Variants in DHRS3 observed in about 807,000 individuals in gnomAD.
The protein encoded by DHRS3 is dehydrogenase/reductase 3.
A neutral mutation model predicts 27.2 loss-of-function variants in DHRS3; 14 were observed. The observed-to-expected ratio is 0.52, with a 90% CI of 0.34 to 0.81. The LOEUF (loss-of-function observed/expected upper bound fraction) is 0.81, where lower values mean the gene tolerates loss of function less well. Ranked by LOEUF, DHRS3 falls within the 30% of genes least tolerant of loss-of-function variation. The pLI is 0.01. For synonymous variants in DHRS3, 165 were observed against 175.9 expected, an observed-to-expected ratio of 0.94 and a Z score of 0.49; for missense variants, 322 against 406.2, an observed-to-expected ratio of 0.79 and a Z score of 1.78.
chr1:12,613,672 C>T (rs1374141206), intron 1 of DHRS3, among the ~76,000 whole-genome samples: 1 of 152,206 alleles, frequency 6.6e-6, no homozygotes, highest in Admixed American at 6.5e-5. Context: ...GCTGTAAATT[C>T]ACTGACAGCA....
At chr1:12,603,479 G>C (rs1385050909) in intron 1 of DHRS3, among the ~76,000 whole-genome samples, 1 of 152,186 alleles carries the variant, frequency 6.6e-6, no homozygotes, top group Non-Finnish European at 1.5e-5. Context: ...GCAGGAAGGA[G>C]GGGTCCCTCA....
intron 1 of DHRS3, among the ~76,000 whole-genome samples, chr1:12,607,180 C>A (rs1391744303): frequency 6.6e-6 from 1 of 152,204 alleles, no homozygotes; most frequent in African/African-American, 2.4e-5. Context: ...CAAACAAGGA[C>A]AATTTTGTGA....
chr1:12,597,651 T>C (rs980698404), intron 1 of DHRS3, among the ~76,000 whole-genome samples: 3 of 152,234 alleles, frequency 2.0e-5, no homozygotes, highest in Non-Finnish European at 2.9e-5. Flanking sequence ...GGCTTGGTAA[T>C]TGGGTGCCCA....
intron 4 of DHRS3, among the ~76,000 whole-genome samples, chr1:12,577,750 G>T (rs1646602929): frequency 6.6e-6 from 1 of 152,192 alleles, no homozygotes; most frequent in Admixed American, 6.5e-5. Flanking sequence ...TTGAACCCAG[G>T]AGGTGGAGGT....
intron 1 of DHRS3, among the ~76,000 whole-genome samples, chr1:12,600,987 G>A (rs973454424): frequency 2.0e-5 from 3 of 151,228 alleles, no homozygotes; most frequent in Non-Finnish European, 2.9e-5. Context: ...ATGGGTGGGG[G>A]GTTGGGGGGC....
intron 1 of DHRS3, among the ~76,000 whole-genome samples, chr1:12,600,636 T>C (rs1646829444): frequency 6.6e-6 from 1 of 152,134 alleles, no homozygotes; most frequent in African/African-American, 2.4e-5. Flanking sequence ...TGCTGGGCTG[T>C]GGGAGCACTA....
chr1:12,579,332 G>A lies in DHRS3; in HGVS notation c.420C>T (p.Leu140=), dbSNP rs776634835. 3 of 1,614,210 alleles carry A rather than the reference G, an allele frequency of 1.9e-6. No individual in the cohort carries two copies. In the South Asian group the frequency reaches 3.3e-5, roughly 18 times the overall value. ...KSLMDSDDDA[L]LKSQHINTLG... ...GGGTGTTGATGTGTTGGGACTTGAG[G>A]AGGGCATCATCATCACTGTCCATTA... The change falls in exon 3 of 6, where the codon CTC becomes CTT. Residue 140 remains leucine, a synonymous_variant. Coordinates refer to ENST00000616661, the MANE Select transcript of DHRS3 (RefSeq NM_004753.7).
chr1:12,581,670 C>T (rs964693184), intron 1 of DHRS3, among the ~76,000 whole-genome samples: 29 of 152,282 alleles, frequency 1.9e-4, no homozygotes, highest in East Asian at 9.7e-4. Context: ...CTTGACCTAA[C>T]GGAGGACGAC....
At chr1:12,595,424 G>A (rs574126922) in intron 1 of DHRS3, among the ~76,000 whole-genome samples, 1 of 150,822 alleles carries the variant, frequency 6.6e-6, no homozygotes, top group East Asian at 2.0e-4. Context: ...CGGGGGTCCC[G>A]GGAGGGGCTG....
At position 12,608,492 on chromosome 1, in the gene DHRS3, T is replaced by C. The variant is rs536821251; in HGVS notation, c.195+8662A>G. Among the ~76,000 whole-genome samples, 56 of 152,280 alleles carry C rather than the reference T, an allele frequency of 3.7e-4. No homozygotes were observed. The highest frequency in any genetic ancestry group is 1.2e-3 in the African/African-American group (50 of 41,582). Reference sequence around the variant, plus strand: ...CTGGAGGATCCTGCTGAAGTCATGCTGAGAAGGGCTGCCTTCTTTTAATTT... The same window carrying C: ...CTGGAGGATCCTGCTGAAGTCATGCCGAGAAGGGCTGCCTTCTTTTAATTT... On this transcript the variant is annotated intron_variant, in intron 1 of 5. Coordinates refer to ENST00000616661, the MANE Select transcript of DHRS3 (RefSeq NM_004753.7). This position sits in a 1 kb window ranked among gnomAD's most constrained non-coding sequence, Gnocchi z 4.1.
At chr1:12,581,627 A>C (rs1408275922) in intron 1 of DHRS3, among the ~76,000 whole-genome samples, 1 of 152,210 alleles carries the variant, frequency 6.6e-6, no homozygotes, top group Non-Finnish European at 1.5e-5. Flanking sequence ...AGCCCATAAA[A>C]GGCTCAGAAG....
At position 12,591,104 on chromosome 1, in the gene DHRS3, T is replaced by G. The variant is rs142025211; in HGVS notation, c.196-10438A>C. Among the ~76,000 whole-genome samples, 50 of 152,258 alleles carry G rather than the reference T, an allele frequency of 3.3e-4. No individual in the cohort carries two copies. Among genetic ancestry groups the G allele is most frequent in the African/African-American group, 1.2e-3 (49 of 41,532 alleles). On this transcript the variant is annotated intron_variant, in intron 1 of 5. Coordinates refer to ENST00000616661, the MANE Select transcript of DHRS3 (RefSeq NM_004753.7). The surrounding 1 kb of genome is among the most constrained non-coding windows in gnomAD (Gnocchi z 4.1). ...CCAGGCAACCATTACCCCAGCAGGGTTCTGGATCTTCCATCAGCAAGGGGG... is the reference window on the plus strand; with the variant it reads ...CCAGGCAACCATTACCCCAGCAGGGGTCTGGATCTTCCATCAGCAAGGGGG...
chr1:12,573,840 T>A (rs1646562184), intron 4 of DHRS3, among the ~76,000 whole-genome samples: 1 of 152,326 alleles, frequency 6.6e-6, no homozygotes. Context: ...TTCTCCTGAT[T>A]TACAGATAAG....
chr1:12,612,433 G>T (rs1557534518), intron 1 of DHRS3, among the ~76,000 whole-genome samples: 1 of 151,830 alleles, frequency 6.6e-6, no homozygotes, highest in South Asian at 2.1e-4. Context: ...CTTCCCTCCC[G>T]CAATTCCAGC....
chr1:12,582,368 A>G (rs1487427551), intron 1 of DHRS3, among the ~76,000 whole-genome samples: 2 of 152,220 alleles, frequency 1.3e-5, no homozygotes, highest in East Asian at 3.9e-4. Context: ...AGTGTTCTCT[A>G]AAGCCCAGTT....
chr1:12,581,817 A>G (rs1195687787), intron 1 of DHRS3, among the ~76,000 whole-genome samples: 1 of 152,196 alleles, frequency 6.6e-6, no homozygotes, highest in Non-Finnish European at 1.5e-5. Flanking sequence ...CAGGGGGCTG[A>G]ACACCGCCCA....
At chr1:12,605,384 A>C (rs1251753863) in intron 1 of DHRS3, among the ~76,000 whole-genome samples, 3 of 152,206 alleles carry the variant, frequency 2.0e-5, no homozygotes, top group Non-Finnish European at 4.4e-5. Flanking sequence ...TCTATCTTGT[A>C]TATTACCATA....
At chr1:12,604,321 T>C (rs181709506) in intron 1 of DHRS3, among the ~76,000 whole-genome samples, 18 of 152,342 alleles carry the variant, frequency 1.2e-4, no homozygotes, top group Non-Finnish European at 2.1e-4. Context: ...CATGTTAAGA[T>C]GTCACACTGG....
chr1:12,585,470 G>A (rs535770368), intron 1 of DHRS3, among the ~76,000 whole-genome samples: 2 of 152,262 alleles, frequency 1.3e-5, no homozygotes, highest in South Asian at 4.1e-4. Context: ...GCTGGGAGTC[G>A]CAGGGAAGCG....
Sources: gnomAD v4.1 joint callset for allele counts (sites outside exome capture counted in the v4.1 genomes callset) on GRCh38, gnomAD v4.1.1 for gene constraint, Gnocchi (gnomAD v3.1) non-coding constraint, MANE v1.5 for transcripts, NCBI Gene and HGNC (gene_info 2026-07-23, HGNC 2026-07-21) for gene names.